The following AGR3 variants were observed in gnomAD, a reference collection of about 807,000 sequenced individuals.
The protein encoded by AGR3 is anterior gradient protein 3.
Under a neutral mutation model 24.5 loss-of-function variants are expected in AGR3, and 37 were observed. The ratio of observed to expected loss-of-function variants is 1.51; its 90% CI spans 1.16 to 1.99. The LOEUF (loss-of-function observed/expected upper bound fraction) is 1.99. Ranked by LOEUF, AGR3 falls within the 30% of genes most tolerant of loss-of-function variation. The pLI is 0.00. For missense variants in AGR3, 228 were observed against 191.1 expected (o/e 1.19, Z -1.14); for synonymous variants, 75 against 61.6 (o/e 1.22, Z -1.02).
In AGR3 at chr7:16,873,778, A is replaced by C. The variant is rs781549059; in HGVS notation, c.173+2T>G. ...AAAAAAATGAGCTGAGAAGCATGTTACCTTTTTTGAGCATAAAAGAGACCT... is the reference window on the plus strand; with the variant it reads ...AAAAAAATGAGCTGAGAAGCATGTTCCCTTTTTTGAGCATAAAAGAGACCT... On this transcript the variant is annotated splice_donor_variant, in intron 3 of 7. Coordinates refer to ENST00000310398, the MANE Select transcript of AGR3 (RefSeq NM_176813.5). LOFTEE classifies it high-confidence loss of function. The C allele has an allele frequency of 3.7e-6, 6 of 1,606,446 alleles. No individual in the cohort carries two copies. In the Admixed American group the frequency reaches 1.0e-4, roughly 27 times the overall value.
intron 7 of AGR3, 129 bp from the exon 8 acceptor site, chr7:16,859,760 C>A: frequency 1.8e-6 from 1 of 557,258 alleles, no homozygotes; most frequent in South Asian, 2.6e-5. Flanking sequence ...TCGTCTATGA[C>A]ATTAAAGAAT....
In AGR3 at chr7:16,859,675, G is replaced by A. The variant is rs781757329; in HGVS notation, c.452-44C>T. 3.9e-6 allele frequency: 5 copies of A among 1,265,938 alleles called. No homozygotes were observed. The East Asian group carries it at 1.3e-4, about 33-fold the overall frequency. 78.4% of individuals were successfully genotyped at this position (1,265,938 alleles called of 1,614,324 possible). A position where few individuals can be genotyped will look rare whatever the true frequency, so the allele number is the denominator to read the frequency against. The stretch of plus-strand genomic sequence containing the variant: ...TATATTATGCTATTAATAAATGAAA[G>A]TACAAATGCTATGATCTATTAACTC... On this transcript the variant is annotated intron_variant, in intron 7 of 7. Transcript: ENST00000310398.
At position 16,859,457 on chromosome 7, in the gene AGR3, T is replaced by G; in HGVS notation, c.*125A>C. The stretch of plus-strand genomic sequence containing the variant: ...TTTTAATAAGACTATTGCAAACACA[T>G]TAAAAAAACTAAATAGTAATATTAC... On this transcript the variant is annotated 3_prime_UTR_variant, in exon 8 of 8. Transcript: ENST00000310398. The G allele has an allele frequency of 1.5e-6, 1 of 651,268 alleles. No homozygotes were observed. Among genetic ancestry groups the G allele is most frequent in the Non-Finnish European group, 2.6e-6 (1 of 381,772 alleles). The allele number at this position is 651,268 out of a possible 1,614,324, so 40.3% of individuals were successfully genotyped here. A position where few individuals can be genotyped will look rare whatever the true frequency, so the allele number is the denominator to read the frequency against.
chr7:16,876,075 A>C (rs1370136088), intron 2 of AGR3, among the ~76,000 whole-genome samples: 1 of 152,166 alleles, frequency 6.6e-6, no homozygotes, highest in African/African-American at 2.4e-5. Flanking sequence ...TGCATAACTT[A>C]CTCCACAAAG....
At chr7:16,868,145 G>A (rs1247210984) in intron 3 of AGR3, among the ~76,000 whole-genome samples, 3 of 149,160 alleles carry the variant, frequency 2.0e-5, no homozygotes, top group African/African-American at 4.9e-5. Context: ...TCATCTACCT[G>A]TTGGCCCTTT....
intron 2 of AGR3, among the ~76,000 whole-genome samples, chr7:16,877,338 T>C (rs922873747): frequency 4.7e-5 from 7 of 147,794 alleles, no homozygotes; most frequent in Non-Finnish European, 1.0e-4. Context: ...TATAATTATA[T>C]ATATTTTATA....
At chr7:16,856,173 C>G (rs188759693), downstream of AGR3, among the ~76,000 whole-genome samples, 1 of 152,142 alleles carries the variant, frequency 6.6e-6, no homozygotes, top group Non-Finnish European at 1.5e-5. Context: ...TTTATCCAGT[C>G]TATCTTTGGA....
At chr7:16,861,347 AT>A in intron 6 of AGR3, 36 bp downstream of exon 6, 2 of 1,469,600 alleles carry the variant, frequency 1.4e-6, no homozygotes, top group South Asian at 2.7e-5. Context: ...ATTTCTACTA[AT>A]TTTGTAGATC....
At chr7:16,864,491 C>T (rs1297779526) in intron 3 of AGR3, 7 of 1,257,806 alleles carry the variant, frequency 5.6e-6, no homozygotes, top group Non-Finnish European at 8.2e-6. Context: ...TCGATCATTC[C>T]ATGTTCCCTG....
At chr7:16,856,073 C>G (rs953596427), downstream of AGR3, among the ~76,000 whole-genome samples, 7 of 152,114 alleles carry the variant, frequency 4.6e-5, no homozygotes, top group African/African-American at 1.2e-4. Context: ...TGAGCTGTTT[C>G]TCTACTGATT....
chr7:16,855,051 T>C (rs1380658147), downstream of AGR3, among the ~76,000 whole-genome samples: 5 of 152,230 alleles, frequency 3.3e-5, no homozygotes, highest in East Asian at 9.6e-4. Context: ...CATAATGTTA[T>C]GACACATATA....
At chr7:16,878,684 A>C in intron 1 of AGR3, 39 bp from the exon 2 acceptor site, 1 of 1,361,854 alleles carries the variant, frequency 7.3e-7, no homozygotes, top group Non-Finnish European at 1.0e-6. Flanking sequence ...CCAGTGAATT[A>C]CTTCAAGCTA....
intron 2 of AGR3, among the ~76,000 whole-genome samples, chr7:16,875,024 G>A (rs977438643): frequency 4.0e-5 from 6 of 151,824 alleles, no homozygotes; most frequent in South Asian, 2.1e-4. Context: ...GCTGAGGCAG[G>A]AGAATCGCTT....
rs190149362 is a variant in AGR3 at position 16,859,756 on chromosome 7, A to G, written c.452-125T>C. 538 of 567,998 alleles carry G rather than the reference A, an allele frequency of 9.5e-4. 3 individuals are homozygous for G. The highest frequency in any genetic ancestry group is 1.4e-3 in the Non-Finnish European group (470 of 332,734). 35.2% of individuals were successfully genotyped at this position (567,998 alleles called of 1,614,324 possible). A position where few individuals can be genotyped will look rare whatever the true frequency, so the allele number is the denominator to read the frequency against. ...TAGCTTTGAACATGGGAATTCGTCT[A>G]TGACATTAAAGAATATGCTAAAAGT... On this transcript the variant is annotated intron_variant, in intron 7 of 7. Coordinates refer to ENST00000310398, the MANE Select transcript of AGR3 (RefSeq NM_176813.5).
chr7:16,854,927 G>C (rs1380980657), downstream of AGR3, among the ~76,000 whole-genome samples: 1 of 152,076 alleles, frequency 6.6e-6, no homozygotes, highest in African/African-American at 2.4e-5. Context: ...TTTATATAAG[G>C]AACCCAGTCA....
At chr7:16,869,340 T>A (rs1335378255) in intron 3 of AGR3, among the ~76,000 whole-genome samples, 1 of 152,236 alleles carries the variant, frequency 6.6e-6, no homozygotes. Flanking sequence ...GTCTGTTTTA[T>A]CTAAGTATAG....
At chr7:16,881,212 C>T (rs1287241684) in intron 1 of AGR3, among the ~76,000 whole-genome samples, 9 of 152,102 alleles carry the variant, frequency 5.9e-5, no homozygotes, top group Non-Finnish European at 7.4e-5. Flanking sequence ...TAGAGTTAAG[C>T]GGGAACCATT....
At chr7:16,870,472 G>A (rs1015807194) in intron 3 of AGR3, among the ~76,000 whole-genome samples, 2 of 151,716 alleles carry the variant, frequency 1.3e-5, no homozygotes, top group African/African-American at 4.8e-5. Flanking sequence ...CACTTTAATG[G>A]GACACTTCTA....
At chr7:16,881,343 G>C (rs1782113015) in intron 1 of AGR3, among the ~76,000 whole-genome samples, 1 of 152,098 alleles carries the variant, frequency 6.6e-6, no homozygotes, top group Admixed American at 6.5e-5. Flanking sequence ...AATATATTCT[G>C]TGACAAAGCA....
Sources: gnomAD v4.1 joint callset for allele counts (sites outside exome capture counted in the v4.1 genomes callset) on GRCh38, gnomAD v4.1.1 for gene constraint, MANE v1.5 for transcripts, NCBI Gene and HGNC (gene_info 2026-07-23, HGNC 2026-07-21) for gene names.